SCG5: variants seen among roughly 807,000 people sequenced by gnomAD.
The protein encoded by SCG5 is secretogranin V.
In SCG5, 18 loss-of-function variants were observed where a neutral mutation model predicts 25.7. That is an observed-to-expected ratio of 0.70 (90% CI 0.48 to 1.04). The LOEUF is 1.04. Ranked by LOEUF, SCG5 falls within the 50% of genes least tolerant of loss-of-function variation. The pLI is 0.00. For missense variants in SCG5, 206 were observed against 259.8 expected (o/e 0.79, Z 1.42); for synonymous variants, 101 against 91.7 (o/e 1.10, Z -0.58).
chr15:32,691,425 A>G (rs2054854015), intron 4 of SCG5, among the ~76,000 whole-genome samples: 1 of 152,226 alleles, frequency 6.6e-6, no homozygotes, highest in African/African-American at 2.4e-5. Context: ...ATGGGTTTCC[A>G]GCACCCTTCA....
At chr15:32,643,450 C>A in intron 1 of SCG5, 136 bp from the exon 2 acceptor site, 1 of 671,740 alleles carries the variant, frequency 1.5e-6, no homozygotes, top group Non-Finnish European at 2.6e-6. Flanking sequence ...CAAAAGCAAC[C>A]TCCTAAGGAT....
At chr15:32,642,462 G>T (rs1156316335) in intron 1 of SCG5, among the ~76,000 whole-genome samples, 2 of 151,376 alleles carry the variant, frequency 1.3e-5, no homozygotes, top group Non-Finnish European at 2.9e-5. Flanking sequence ...CAGCTACTCG[G>T]GAGGCTGAGG....
intron 2 of SCG5, among the ~76,000 whole-genome samples, chr15:32,665,364 G>GT (rs796582902): frequency 0.02 from 2,930 of 146,616 alleles, 89 homozygotes; most frequent in African/African-American, 0.068. Context: ...CTGGTTTGGG[G>GT]TTTTTTTTTT....
At chr15:32,676,343 A>G (rs2054529923) in intron 2 of SCG5, among the ~76,000 whole-genome samples, 1 of 152,206 alleles carries the variant, frequency 6.6e-6, no homozygotes, top group Admixed American at 6.5e-5. Context: ...GAGCTTTGGC[A>G]GGCCTTCCAT....
At chr15:32,680,011 A>G (rs2054589569) in intron 3 of SCG5, 96 bp downstream of exon 3, 3 of 1,202,754 alleles carry the variant, frequency 2.5e-6, no homozygotes, top group Non-Finnish European at 2.4e-6. Flanking sequence ...AGAAATTGTT[A>G]TTTCCATTCT....
intron 2 of SCG5, among the ~76,000 whole-genome samples, chr15:32,676,009 C>A (rs940653794): frequency 1.3e-5 from 2 of 152,218 alleles, no homozygotes; most frequent in African/African-American, 4.8e-5. Context: ...GCTTCAGGTA[C>A]AATAGATCAA....
chr15:32,676,802 G>T (rs1392507573), intron 2 of SCG5, among the ~76,000 whole-genome samples: 1 of 152,152 alleles, frequency 6.6e-6, no homozygotes, highest in Non-Finnish European at 1.5e-5. Flanking sequence ...TTTATATTTA[G>T]CAGCCAATTG....
chr15:32,680,175 C>T (rs1040392347), intron 3 of SCG5, among the ~76,000 whole-genome samples: 2 of 148,934 alleles, frequency 1.3e-5, no homozygotes, highest in Non-Finnish European at 3.0e-5. Flanking sequence ...AATTGATGCA[C>T]TTTTCTGCAC....
chr15:32,690,549 G>A (rs946443165), intron 4 of SCG5, among the ~76,000 whole-genome samples: 5 of 152,214 alleles, frequency 3.3e-5, no homozygotes, highest in Non-Finnish European at 7.3e-5. Flanking sequence ...GCTGTAGCCA[G>A]TACTGGTGTT....
intron 2 of SCG5, among the ~76,000 whole-genome samples, chr15:32,653,585 G>A (rs1439974862): frequency 7.2e-5 from 11 of 152,152 alleles, no homozygotes; most frequent in East Asian, 1.9e-4. Flanking sequence ...TCATATAAAC[G>A]TGGGGGCTGG....
chr15:32,687,119 TTGG>T (rs1226192453), intron 4 of SCG5, among the ~76,000 whole-genome samples: 1 of 152,192 alleles, frequency 6.6e-6, no homozygotes, highest in Non-Finnish European at 1.5e-5. Context: ...AGGAGCCCAG[TTGG>T]TGGCATGATG....
chr15:32,652,422 T>C (rs1036810351), intron 2 of SCG5, among the ~76,000 whole-genome samples: 4 of 152,140 alleles, frequency 2.6e-5, no homozygotes, highest in Admixed American at 2.6e-4. Flanking sequence ...CGGTTTCTGT[T>C]AAGGTTGTTT....
chr15:32,684,626 A>C lies in SCG5; in HGVS notation c.446A>C (p.His149Pro). The C allele has an allele frequency of 6.2e-7, 1 of 1,613,828 alleles. No homozygotes were observed. Among genetic ancestry groups the C allele is most frequent in the Non-Finnish European group, 8.5e-7 (1 of 1,179,798 alleles). ...AGTCGAGAGTTCCAGTTGCACCAGC[A>C]TCTCTTTGATCCGGAACATGACTAT... The part of the protein sequence containing the change: ...EFSREFQLHQ[H>P]LFDPEHDYPG... The change falls in exon 4 of 6, where the codon CAT (histidine) becomes CCT (proline). Residue 149 changes from histidine to proline, a missense_variant. Physicochemically the swap from His to Pro is moderately conservative, Grantham distance 77. Transcript: ENST00000300175.
chr15:32,655,799 A>G (rs1177319642), intron 2 of SCG5, among the ~76,000 whole-genome samples: 2 of 152,198 alleles, frequency 1.3e-5, no homozygotes, highest in Non-Finnish European at 2.9e-5. Flanking sequence ...CCCTCACCAG[A>G]CACAGAATCT....
chr15:32,664,585 A>G (rs2054288802), intron 2 of SCG5, among the ~76,000 whole-genome samples: 1 of 152,090 alleles, frequency 6.6e-6, no homozygotes, highest in South Asian at 2.1e-4. Flanking sequence ...AAAATAACAC[A>G]CAATTGCAAA....
At chr15:32,687,070 A>G (rs548723374) in intron 4 of SCG5, among the ~76,000 whole-genome samples, 134 of 140,096 alleles carry the variant, frequency 9.6e-4, no homozygotes, top group Non-Finnish European at 1.6e-3. Context: ...AATGAGAGAA[A>G]GAAAGGAGGG....
At chr15:32,678,000 A>G (rs16965041) in intron 2 of SCG5, among the ~76,000 whole-genome samples, 18,848 of 152,234 alleles carry the variant, frequency 0.12, 1,402 homozygotes, top group East Asian at 0.21. Flanking sequence ...AACAAGTAGG[A>G]AAGGACAGAA....
chr15:32,675,713 C>T (rs1037419373), intron 2 of SCG5, among the ~76,000 whole-genome samples: 1 of 152,222 alleles, frequency 6.6e-6, no homozygotes, highest in African/African-American at 2.4e-5. Context: ...TTCTCCTCTA[C>T]ACAACTGTGA....
chr15:32,669,777 G>A (rs75772891), intron 2 of SCG5, among the ~76,000 whole-genome samples: 3,277 of 151,890 alleles, frequency 0.022, 122 homozygotes, highest in African/African-American at 0.076. Flanking sequence ...AGGGGGTGGG[G>A]TTTGTGGTGA....
Sources: gnomAD v4.1 joint callset for allele counts (sites outside exome capture counted in the v4.1 genomes callset) on GRCh38, gnomAD v4.1.1 for gene constraint, MANE v1.5 for transcripts, NCBI Gene and HGNC (gene_info 2026-07-23, HGNC 2026-07-21) for gene names.